Variants in PCDHGB3 observed in about 807,000 individuals in gnomAD.
The protein encoded by PCDHGB3 is protocadherin gamma subfamily B, 3.
In PCDHGB3, 40 loss-of-function variants were observed where a neutral mutation model predicts 59.2. The observed-to-expected ratio is 0.68, with a 90% CI of 0.52 to 0.88. The LOEUF (loss-of-function observed/expected upper bound fraction) is 0.88. Ranked by LOEUF, PCDHGB3 falls within the 40% of genes least tolerant of loss-of-function variation. The pLI is 0.00. For missense variants in PCDHGB3, 1,309 were observed against 1,187.9 expected, an observed-to-expected ratio of 1.10 and a Z score of -1.50; for synonymous variants, 581 against 503.6, an observed-to-expected ratio of 1.15 and a Z score of -2.06.
In PCDHGB3 at chr5:141,432,976, C is replaced by A. The variant is rs373558125; in HGVS notation, c.2415+60167C>A. The stretch of plus-strand genomic sequence containing the variant: ...GCTTGACAGGAGCGCCGGCGTCGCA[C>A]TTTGTGGGCGTGGACGGGGTGCAGG... On this transcript the variant is annotated intron_variant, in intron 1 of 3. Coordinates refer to ENST00000576222, the MANE Select transcript of PCDHGB3 (RefSeq NM_018924.5). This position sits in a 1 kb window ranked among gnomAD's most constrained non-coding sequence, Gnocchi z 6.0. 1 of 1,614,210 alleles carries A rather than the reference C, an allele frequency of 6.2e-7. No individual in the cohort carries two copies.
chr5:141,373,542 G>A (rs1451979596), intron 1 of PCDHGB3, among the ~76,000 whole-genome samples: 1 of 152,216 alleles, frequency 6.6e-6, no homozygotes. Flanking sequence ...GTTTGTGGTT[G>A]TTGGTACCCT....
chr5:141,480,694 G>A (rs1446014656), intron 1 of PCDHGB3, among the ~76,000 whole-genome samples: 1 of 152,128 alleles, frequency 6.6e-6, no homozygotes, highest in Non-Finnish European at 1.5e-5. Flanking sequence ...TGAAACCCAG[G>A]CCACACCCCG....
chr5:141,490,405 ATC>A lies in PCDHGB3; in HGVS notation c.2416-4397_2416-4396del, dbSNP rs765446736. 1 of 1,614,142 alleles carries A rather than the reference ATC, an allele frequency of 6.2e-7. No individual in the cohort carries two copies. The highest frequency in any genetic ancestry group is 8.5e-7 in the Non-Finnish European group (1 of 1,180,028). ...TAGAAATGGTGAAGTGAGCCTTGATATCTCTCCGGACCTGCCATTTCAGATTA... is the reference window on the plus strand; with the variant it reads ...TAGAAATGGTGAAGTGAGCCTTGATATCTCCGGACCTGCCATTTCAGATTA... On this transcript the variant is annotated intron_variant, in intron 1 of 3. Transcript: ENST00000576222. The surrounding 1 kb of genome is among the most constrained non-coding windows in gnomAD (Gnocchi z 5.4).
chr5:141,446,928 C>T (rs988582410), intron 1 of PCDHGB3, among the ~76,000 whole-genome samples: 14 of 152,132 alleles, frequency 9.2e-5, no homozygotes, highest in Non-Finnish European at 1.6e-4. Context: ...TTCCTGATCT[C>T]TTTTTCACTG....
At chr5:141,385,880 A>G (rs192436155) in intron 1 of PCDHGB3, 3 of 153,092 alleles carry the variant, frequency 2.0e-5, no homozygotes, top group Admixed American at 1.9e-4. Context: ...ATTTATGCCT[A>G]AAGAATGAAA....
At position 141,419,598 on chromosome 5, in the gene PCDHGB3, G is replaced by A. The variant is rs1466867194; in HGVS notation, c.2415+46789G>A. On this transcript the variant is annotated intron_variant, in intron 1 of 3. Transcript: ENST00000576222. ...TCCGCGCTCTTCGACACAGTGCCGC[G>A]GGCCGCGCAGCCAGGCTACCTGGTG... 21 of 1,611,674 alleles carry A rather than the reference G, an allele frequency of 1.3e-5. No individual in the cohort carries two copies. In the South Asian group the frequency reaches 1.3e-4, roughly 10 times the overall value.
chr5:141,408,022 G>A (rs915978239), intron 1 of PCDHGB3: 1 of 1,056,122 alleles, frequency 9.5e-7, no homozygotes, highest in Non-Finnish European at 1.3e-6. Context: ...GCCAACAACA[G>A]AAAGAAGAAA....
chr5:141,390,474 C>A, intron 1 of PCDHGB3: 1 of 688,724 alleles, frequency 1.5e-6, no homozygotes, highest in Non-Finnish European at 2.4e-6. Flanking sequence ...TTGTGTGGCC[C>A]AACATTTGTT....
At chr5:141,415,828 G>A (rs1178303711) in intron 1 of PCDHGB3, 4 of 1,293,274 alleles carry the variant, frequency 3.1e-6, no homozygotes, top group Non-Finnish European at 3.0e-6. Flanking sequence ...ATAAGGCTTT[G>A]TTATGATTAG....
intron 1 of PCDHGB3, chr5:141,410,564 T>C: frequency 6.2e-7 from 1 of 1,612,612 alleles, no homozygotes; most frequent in Non-Finnish European, 8.5e-7. Context: ...TCCTGGAGCC[T>C]TAATTCCACC....
intron 1 of PCDHGB3, chr5:141,403,391 G>A: frequency 1.2e-6 from 2 of 1,614,046 alleles, no homozygotes; most frequent in Non-Finnish European, 1.7e-6. Flanking sequence ...CGAAATCGCG[G>A]TTCCTGGAGC....
Position 141,431,585 on chromosome 5 carries a change from G to A in PCDHGB3, c.2415+58776G>A. 6.2e-7 allele frequency: 1 copy of A among 1,614,204 alleles called. No individual in the cohort carries two copies. The highest frequency in any genetic ancestry group is 1.6e-4 in the Middle Eastern group (1 of 6,062). On this transcript the variant is annotated intron_variant, in intron 1 of 3. Transcript: ENST00000576222. This position sits in a 1 kb window ranked among gnomAD's most constrained non-coding sequence, Gnocchi z 4.8. ...CGACCCTGACGAAGGAGTCAATGCG[G>A]AAGTGAGGTATTCCTTCCGGTATGT...
chr5:141,378,155 T>C (rs1471483193), intron 1 of PCDHGB3: 1 of 152,258 alleles, frequency 6.6e-6, no homozygotes, highest in Non-Finnish European at 1.5e-5. Flanking sequence ...AATTATTGGG[T>C]TGTTAACAAT....
At chr5:141,409,145 T>G (rs2095231039) in intron 1 of PCDHGB3, 1 of 1,613,884 alleles carries the variant, frequency 6.2e-7, no homozygotes, top group Non-Finnish European at 8.5e-7. Flanking sequence ...TGTAGAAAGG[T>G]ACACCATGGA....
At chr5:141,481,229 A>T (rs989963485) in intron 1 of PCDHGB3, among the ~76,000 whole-genome samples, 1 of 152,212 alleles carries the variant, frequency 6.6e-6, no homozygotes, top group Non-Finnish European at 1.5e-5. Flanking sequence ...TCCCAGCCTT[A>T]AAGTATTACA....
chr5:141,421,077 A>G (rs975269359), intron 1 of PCDHGB3: 1 of 619,100 alleles, frequency 1.6e-6, no homozygotes, highest in Non-Finnish European at 2.7e-6. Context: ...TGAGATGGAT[A>G]CTCACAGATC....
intron 1 of PCDHGB3, chr5:141,415,428 G>C (rs948747218): frequency 1.2e-6 from 2 of 1,614,088 alleles, no homozygotes; most frequent in Non-Finnish European, 1.7e-6. Context: ...ACGGGGTTCG[G>C]GCTTTCCTGC....
At chr5:141,413,199 A>T in intron 1 of PCDHGB3, 1 of 1,611,930 alleles carries the variant, frequency 6.2e-7, no homozygotes, top group Non-Finnish European at 8.5e-7. Flanking sequence ...GGAATCGCTC[A>T]AAGGAATCAA....
At chr5:141,461,273 C>A (rs1301916233) in intron 1 of PCDHGB3, among the ~76,000 whole-genome samples, 1 of 152,128 alleles carries the variant, frequency 6.6e-6, no homozygotes, top group Admixed American at 6.6e-5. Flanking sequence ...TAAGTGTTCT[C>A]TTTTCCCCAC....
Sources: gnomAD v4.1 joint callset for allele counts (sites outside exome capture counted in the v4.1 genomes callset) on GRCh38, gnomAD v4.1.1 for gene constraint, Gnocchi (gnomAD v3.1) non-coding constraint, MANE v1.5 for transcripts, NCBI Gene and HGNC (gene_info 2026-07-23, HGNC 2026-07-21) for gene names.